The following PLCXD3 variants were observed in gnomAD, a reference collection of about 807,000 sequenced individuals.
PLCXD3 encodes the protein PI-PLC X domain-containing protein 3.
A neutral mutation model predicts 25.5 loss-of-function variants in PLCXD3; 19 were observed. The ratio of observed to expected loss-of-function variants is 0.75; its 90% CI spans 0.52 to 1.09. PLCXD3 has a LOEUF of 1.09. Among genes scored for constraint, PLCXD3 ranks in the 50% least tolerant of loss-of-function variants. PLCXD3 has a pLI of 0.00. For synonymous variants in PLCXD3, 174 were observed against 137.6 expected, an observed-to-expected ratio of 1.26 and a Z score of -1.85; for missense variants, 411 against 388.1, an observed-to-expected ratio of 1.06 and a Z score of -0.50.
intron 1 of PLCXD3, among the ~76,000 whole-genome samples, chr5:41,418,281 T>C (rs1327458477): frequency 6.6e-6 from 1 of 152,244 alleles, no homozygotes; most frequent in African/African-American, 2.4e-5. Context: ...AATTCTCTTT[T>C]GTTTTTAAGA....
chr5:41,450,299 C>A (rs1747599795), intron 1 of PLCXD3, among the ~76,000 whole-genome samples: 1 of 152,094 alleles, frequency 6.6e-6, no homozygotes. Flanking sequence ...ATCTTAGACA[C>A]AAAAGCTTCC....
intron 1 of PLCXD3, among the ~76,000 whole-genome samples, chr5:41,421,439 C>T (rs1462095835): frequency 6.6e-6 from 1 of 151,806 alleles, no homozygotes; most frequent in Non-Finnish European, 1.5e-5. Flanking sequence ...CGGTGGCTCA[C>T]GCCTGTAATC....
At chr5:41,493,119 T>C (rs1748742343) in intron 1 of PLCXD3, among the ~76,000 whole-genome samples, 1 of 152,230 alleles carries the variant, frequency 6.6e-6, no homozygotes, top group Non-Finnish European at 1.5e-5. Context: ...GGTGTGGATG[T>C]CCTTTCTGTT....
intron 2 of PLCXD3, among the ~76,000 whole-genome samples, chr5:41,344,381 T>C (rs1195568560): frequency 6.6e-6 from 1 of 152,130 alleles, no homozygotes; most frequent in Admixed American, 6.5e-5. Context: ...TTCACATTTT[T>C]CAGTTATTTT....
In PLCXD3 at chr5:41,314,286, A is replaced by G. The variant is rs138719089; in HGVS notation, c.813-516T>C. ...CAAGGAAGAAATTGTAGCACAATAT[A>G]ATCAGGGCTCATTCCTTCAAACACA... is the stretch of plus-strand genomic sequence containing the variant. On this transcript the variant is annotated intron_variant, in intron 2 of 2. Transcript: ENST00000377801. Among the ~76,000 whole-genome samples the G allele has an allele frequency of 1.1e-4, 17 of 152,332 alleles. No individual in the cohort carries two copies. The East Asian group carries it at 3.3e-3, about 29-fold the overall frequency.
chr5:41,380,037 T>G (rs542640441), intron 2 of PLCXD3, among the ~76,000 whole-genome samples: 1 of 152,126 alleles, frequency 6.6e-6, no homozygotes, highest in African/African-American at 2.4e-5. Context: ...GGAGGAACAT[T>G]TCCACTCCAA....
chr5:41,431,840 T>C (rs538612546), intron 1 of PLCXD3, among the ~76,000 whole-genome samples: 1 of 152,232 alleles, frequency 6.6e-6, no homozygotes, highest in East Asian at 1.9e-4. Flanking sequence ...TTTTTAGAAA[T>C]GTAGGAGGGG....
chr5:41,480,280 C>A (rs1021801858), intron 1 of PLCXD3, among the ~76,000 whole-genome samples: 19 of 152,256 alleles, frequency 1.2e-4, no homozygotes, highest in African/African-American at 4.1e-4. Flanking sequence ...CAATGAGTCA[C>A]CCATTGAGAG....
chr5:41,421,317 G>A (rs1746816989), intron 1 of PLCXD3, among the ~76,000 whole-genome samples: 1 of 152,074 alleles, frequency 6.6e-6, no homozygotes, highest in African/African-American at 2.4e-5. Context: ...TAATATATAA[G>A]TAATTTGAGG....
chr5:41,508,121 C>A (rs1025661875), intron 1 of PLCXD3, among the ~76,000 whole-genome samples: 2 of 152,236 alleles, frequency 1.3e-5, no homozygotes, highest in Non-Finnish European at 2.9e-5. Flanking sequence ...GAAGGGGAAG[C>A]TTTACAGGAG....
chr5:41,320,580 T>C (rs1245756534), intron 2 of PLCXD3, among the ~76,000 whole-genome samples: 1 of 152,212 alleles, frequency 6.6e-6, no homozygotes, highest in Non-Finnish European at 1.5e-5. Flanking sequence ...CACTGCAAGC[T>C]CCACCTCCCG....
At position 41,413,500 on chromosome 5, in the gene PLCXD3, G is replaced by A. The variant is rs112641161; in HGVS notation, c.104-30966C>T. ...ATAAACTCAAACCCAATAAATTTGT[G>A]AATGTTTTCAAAAAAATGGTCCTTG... On this transcript the variant is annotated intron_variant, in intron 1 of 2. Transcript: ENST00000377801. 8.0e-3 allele frequency among the ~76,000 whole-genome samples: 1,214 copies of A among 152,218 alleles called. 18 individuals are homozygous for A. The highest frequency in any genetic ancestry group is 0.028 in the African/African-American group (1,146 of 41,520).
intron 2 of PLCXD3, among the ~76,000 whole-genome samples, chr5:41,366,358 A>G (rs998213991): frequency 2.0e-5 from 3 of 152,220 alleles, no homozygotes; most frequent in African/African-American, 7.2e-5. Flanking sequence ...AAGCTAAAAG[A>G]ATGTAAATGC....
chr5:41,428,786 G>C (rs1747026837), intron 1 of PLCXD3, among the ~76,000 whole-genome samples: 1 of 152,042 alleles, frequency 6.6e-6, no homozygotes. Context: ...TTTCCACACA[G>C]AGAAAATGTT....
At chr5:41,470,585 G>A (rs1232624911) in intron 1 of PLCXD3, among the ~76,000 whole-genome samples, 1 of 152,014 alleles carries the variant, frequency 6.6e-6, no homozygotes, top group Non-Finnish European at 1.5e-5. Context: ...ATCCAGAAGG[G>A]GCAGGCATAC....
intron 1 of PLCXD3, among the ~76,000 whole-genome samples, chr5:41,425,740 T>C (rs1746942238): frequency 6.6e-6 from 1 of 152,204 alleles, no homozygotes; most frequent in South Asian, 2.1e-4. Flanking sequence ...GTATGGAGGC[T>C]TTTTGTACTG....
rs569581123 is a variant in PLCXD3, at chr5:41,484,269, A to ACACACC, written c.103+26154_103+26155insGGTGTG. Among the ~76,000 whole-genome samples, 556 of 146,176 alleles carry ACACACC rather than the reference A, an allele frequency of 3.8e-3. 39 individuals carry two copies. Among genetic ancestry groups the ACACACC allele is most frequent in the African/African-American group, 0.012 (463 of 39,250 alleles). The stretch of plus-strand genomic sequence containing the variant: ...TGCACACACACACACACACACACAC[A>ACACACC]CACTAACTGTATTCTAAAATATTTT... On this transcript the variant is annotated intron_variant, in intron 1 of 2. Coordinates refer to ENST00000377801, the MANE Select transcript of PLCXD3 (RefSeq NM_001005473.3).
intron 2 of PLCXD3, among the ~76,000 whole-genome samples, chr5:41,362,206 A>G (rs1744802900): frequency 6.6e-6 from 1 of 152,228 alleles, no homozygotes; most frequent in Non-Finnish European, 1.5e-5. Flanking sequence ...TTGTAGTTAG[A>G]AAATGTGTGA....
At position 41,495,259 on chromosome 5, in the gene PLCXD3, T is replaced by C. The variant is rs534766094; in HGVS notation, c.103+15165A>G. On this transcript the variant is annotated intron_variant, in intron 1 of 2. Coordinates refer to ENST00000377801, the MANE Select transcript of PLCXD3 (RefSeq NM_001005473.3). ...TTTTGGAGAAGCCTGCCTAAGGGAC[T>C]GGCTTTTGTCTCACCTGTAGAAGAG... Among the ~76,000 whole-genome samples the C allele has an allele frequency of 1.1e-4, 17 of 152,350 alleles. 1 individual carries two copies. In the South Asian group the frequency reaches 3.1e-3, roughly 28 times the overall value.
Sources: gnomAD v4.1 joint callset for allele counts (sites outside exome capture counted in the v4.1 genomes callset) on GRCh38, gnomAD v4.1.1 for gene constraint, MANE v1.5 for transcripts, NCBI Gene and HGNC (gene_info 2026-07-23, HGNC 2026-07-21) for gene names.